TLR1: variants seen among roughly 807,000 people sequenced by gnomAD.
TLR1 encodes toll-like receptor 1.
Under a neutral mutation model 20.2 loss-of-function variants are expected in TLR1, and 19 were observed. The ratio of observed to expected loss-of-function variants is 0.94; its 90% confidence interval spans 0.66 to 1.38. TLR1 has a LOEUF of 1.38. TLR1 is among the 40% of genes most tolerant of loss of function. The pLI, the probability that TLR1 is intolerant of heterozygous loss-of-function variation, is 0.00. For synonymous variants in TLR1, 320 were observed against 334.5 expected (o/e 0.96, Z 0.47); for missense variants, 921 against 910.0 (o/e 1.01, Z -0.16).
chr4:38,790,300 AG>A (rs1167650560), downstream of TLR1, among the ~76,000 whole-genome samples: 1 of 152,232 alleles, frequency 6.6e-6, no homozygotes, highest in Non-Finnish European at 1.5e-5. Context: ...GTTAATTTGG[AG>A]GGAGAACTTA....
downstream of TLR1, chr4:38,794,446 T>C (rs1275805100): frequency 6.6e-6 from 1 of 152,208 alleles, no homozygotes; most frequent in Non-Finnish European, 1.5e-5. Context: ...AATATAACTT[T>C]CCACACTCCT....
downstream of TLR1, among the ~76,000 whole-genome samples, chr4:38,796,031 G>A (rs972268772): frequency 3.3e-5 from 5 of 152,106 alleles, no homozygotes; most frequent in African/African-American, 9.7e-5. Flanking sequence ...CTTTATCAAC[G>A]AGCAGCCATC....
intron 3 of TLR1, among the ~76,000 whole-genome samples, chr4:38,799,670 C>A (rs114250243): frequency 6.9e-4 from 105 of 152,308 alleles, no homozygotes; most frequent in African/African-American, 2.4e-3. Flanking sequence ...ACGTACATCT[C>A]CCCATGACTT....
In TLR1 at chr4:38,798,548, A is replaced by T. The variant is rs1560460317; in HGVS notation, c.284T>A (p.Leu95Ter). The T allele has an allele frequency of 6.2e-7, 1 of 1,614,188 alleles. No individual in the cohort carries two copies. Among genetic ancestry groups the T allele is most frequent in the Non-Finnish European group, 8.5e-7 (1 of 1,180,034 alleles). The part of the protein sequence containing the change: ...DISVFKFNQE[L>*]EYLDLSHNKL... ...GTTGTGGGACAAATCCAAGTATTCC[A>T]ATTCCTGGTTGAATTTGAAAACACT... is the stretch of plus-strand genomic sequence containing the variant. The change falls in exon 4 of 4, where the codon TTG (leucine) becomes TAG (stop). Residue 95 changes from leucine to a stop codon, truncating the protein, a stop_gained. Coordinates refer to ENST00000308979, the MANE Select transcript of TLR1 (RefSeq NM_003263.4). LOFTEE classifies it low-confidence loss of function (END_TRUNC).
Position 38,797,155 on chromosome 4 carries a change from C to G in TLR1, c.1677G>C (p.Pro559=). Residue 559 remains proline (P), a synonymous_variant, in exon 4 of 4, where the codon CCG becomes CCC. Coordinates refer to ENST00000308979, the MANE Select transcript of TLR1 (RefSeq NM_003263.4). ...TTAGTAGGGTTCCTCTATAACTTTC[C>G]GGGTAGTCACACTTATAAGAATCAG... ...GWPDSYKCDY[P]ESYRGTLLKD... is the part of the protein sequence containing the mutation. 6.2e-7 allele frequency: 1 copy of G among 1,614,136 alleles called. No homozygotes were observed. The highest frequency in any genetic ancestry group is 8.5e-7 in the Non-Finnish European group (1 of 1,180,018).
chr4:38,797,397 A>G lies in TLR1; in HGVS notation c.1435T>C (p.Ser479Pro). 2 of 1,614,206 alleles carry G rather than the reference A, an allele frequency of 1.2e-6. No individual in the cohort carries two copies. The highest frequency in any genetic ancestry group is 2.2e-5 in the South Asian group (2 of 91,086). ...CCACATCCAGGAAGGTCAGTTAAAG[A>G]ATTGAAAGCAACATTGAGTTCTTGC... Reference protein sequence around the residue: ...ALQELNVAFNSLTDLPGCGSF... With the variant: ...ALQELNVAFNPLTDLPGCGSF... Residue 479 changes from serine (S) to proline (P), a missense_variant, in exon 4 of 4, where the codon TCT (serine) becomes CCT (proline). By Grantham distance (74) the Ser-to-Pro change is moderately conservative. Transcript: ENST00000308979.
In TLR1 at chr4:38,797,781, G is replaced by A; in HGVS notation, c.1051C>T (p.Leu351=). Residue 351 remains leucine, a synonymous_variant, in exon 4 of 4, where the codon CTG becomes TTG. Coordinates refer to ENST00000308979, the MANE Select transcript of TLR1 (RefSeq NM_003263.4). ...MLCPSKISPF[L]HLDFSNNLLT... ...AGATTATTGGAAAAATCCAAATGCAGGAACGGGCTAATTTTGGATGGGCAA... is the reference window on the plus strand; with the variant it reads ...AGATTATTGGAAAAATCCAAATGCAAGAACGGGCTAATTTTGGATGGGCAA... 1 of 1,614,120 alleles carries A rather than the reference G, an allele frequency of 6.2e-7. No individual in the cohort carries two copies. The highest frequency in any genetic ancestry group is 2.2e-5 in the East Asian group (1 of 44,884).
intron 2 of TLR1, among the ~76,000 whole-genome samples, chr4:38,803,200 C>A (rs571715471): frequency 1.3e-5 from 2 of 152,202 alleles, no homozygotes; most frequent in Non-Finnish European, 2.9e-5. Context: ...TCACCTTTCA[C>A]CTGCCTACGG....
At position 38,797,162 on chromosome 4, in the gene TLR1, T is replaced by G; in HGVS notation, c.1670A>C (p.Asp557Ala). The G allele has an allele frequency of 1.2e-6, 2 of 1,614,232 alleles. No individual in the cohort carries two copies. Among genetic ancestry groups the G allele is most frequent in the Non-Finnish European group, 1.7e-6 (2 of 1,180,040 alleles). ...LEGWPDSYKC[D>A]YPESYRGTLL... ...GGTTCCTCTATAACTTTCCGGGTAG[T>G]CACACTTATAAGAATCAGGCCAGCC... The change falls in exon 4 of 4, where the codon GAC (aspartate) becomes GCC (alanine). Residue 557 changes from aspartate to alanine, a missense_variant. Asp to Ala is a moderately radical substitution (Grantham distance 126, BLOSUM62 -2). Coordinates refer to ENST00000308979, the MANE Select transcript of TLR1 (RefSeq NM_003263.4).
downstream of TLR1, among the ~76,000 whole-genome samples, chr4:38,792,055 A>G (rs1276160090): frequency 6.6e-6 from 1 of 152,138 alleles, no homozygotes; most frequent in Non-Finnish European, 1.5e-5. Flanking sequence ...AAACAACCAT[A>G]TGAGAGAGGT....
rs1229681914 is a variant in TLR1, at chr4:38,797,519, G to A, written c.1313C>T (p.Thr438Ile). Residue 438 changes from threonine (T) to isoleucine (I), a missense_variant, in exon 4 of 4, where the codon ACT (threonine) becomes ATT (isoleucine). Physicochemically the swap from Thr to Ile is moderately conservative, Grantham distance 89. Coordinates refer to ENST00000308979, the MANE Select transcript of TLR1 (RefSeq NM_003263.4). ...CCTGGGAGGTAAACATCTGAAAATA[G>A]TGTCAGTAAGTATATTTGAAGACAT... ...LNMSSNILTD[T>I]IFRCLPPRIK... 6.2e-7 allele frequency: 1 copy of A among 1,614,024 alleles called. No homozygotes were observed. The highest frequency in any genetic ancestry group is 8.5e-7 in the Non-Finnish European group (1 of 1,180,042).
At position 38,798,192 on chromosome 4, in the gene TLR1, C is replaced by T. The variant is rs1385115286; in HGVS notation, c.640G>A (p.Ala214Thr). 6.2e-7 allele frequency: 1 copy of T among 1,614,094 alleles called. No individual in the cohort carries two copies. Among genetic ancestry groups the T allele is most frequent in the East Asian group, 2.2e-5 (1 of 44,878 alleles). The change falls in exon 4 of 4, where the codon GCA (alanine) becomes ACA (threonine). Residue 214 changes from alanine (A) to threonine (T), a missense_variant. Physicochemically the swap from Ala to Thr is moderately conservative, Grantham distance 58. Coordinates refer to ENST00000308979, the MANE Select transcript of TLR1 (RefSeq NM_003263.4). ...FILDVSVKTV[A>T]NLELSNIKCV... is the part of the protein sequence containing the mutation. ...TTGATATTAGATAGTTCCAGATTTG[C>T]TACAGTCTTGACTGACACATCCAAA...
At chr4:38,791,103 C>A (rs1180779754) in exon 4 of TLR1, 1 of 152,170 alleles carries the variant, frequency 6.6e-6, no homozygotes, top group Non-Finnish European at 1.5e-5. Flanking sequence ...CCAGAACAGC[C>A]AAGGAGGGCA....
chr4:38,797,811 T>C lies in TLR1; in HGVS notation c.1021A>G (p.Met341Val), dbSNP rs1726236144. ...FTVSGTRMVH[M>V]LCPSKISPFL... ...GGGCTAATTTTGGATGGGCAAAGCATGTGGACCATGCGTGTACCAGACACT... is the reference window on the plus strand; with the variant it reads ...GGGCTAATTTTGGATGGGCAAAGCACGTGGACCATGCGTGTACCAGACACT... Residue 341 changes from methionine to valine, a missense_variant, in exon 4 of 4, where the codon ATG becomes GTG. Coordinates refer to ENST00000308979, the MANE Select transcript of TLR1 (RefSeq NM_003263.4). The C allele has an allele frequency of 1.9e-6, 3 of 1,614,192 alleles. No homozygotes were observed. The East Asian group carries it at 6.7e-5, about 36-fold the overall frequency.
rs1726182624 is a variant in TLR1 at position 38,797,392 on chromosome 4, T to TA, written c.1439dup (p.Leu480PhefsTer3). ...AGCTGCCACATCCAGGAAGGTCAGT[T>TA]AAAGAATTGAAAGCAACATTGAGTT... On this transcript the variant is annotated frameshift_variant, in exon 4 of 4. Transcript: ENST00000308979. LOFTEE classifies it high-confidence loss of function. 1.2e-6 allele frequency: 2 copies of TA among 1,614,096 alleles called. No individual in the cohort carries two copies. The highest frequency in any genetic ancestry group is 2.7e-5 in the African/African-American group (2 of 74,950).
downstream of TLR1, among the ~76,000 whole-genome samples, chr4:38,789,480 T>C (rs1725668443): frequency 6.6e-6 from 1 of 151,338 alleles, no homozygotes; most frequent in Non-Finnish European, 1.5e-5. Context: ...TTTTTCTTTT[T>C]CTTTTCTTTT....
downstream of TLR1, chr4:38,790,739 ATT>A (rs61497412): frequency 6.6e-6 from 1 of 151,856 alleles, no homozygotes; most frequent in Non-Finnish European, 1.5e-5. Flanking sequence ...GCTTTTACTT[ATT>A]TTTTCTCTTG....
chr4:38,802,842 C>T (rs573032249), intron 2 of TLR1, among the ~76,000 whole-genome samples: 39 of 152,326 alleles, frequency 2.6e-4, no homozygotes, highest in African/African-American at 8.9e-4. Context: ...GAGAAGCTTA[C>T]CATAGCCATA....
At chr4:38,802,977 C>G (rs981287521) in intron 2 of TLR1, among the ~76,000 whole-genome samples, 3 of 152,072 alleles carry the variant, frequency 2.0e-5, no homozygotes, top group African/African-American at 2.4e-5. Flanking sequence ...CCAAAGCTGT[C>G]CATCTTTGCA....
Sources: gnomAD v4.1 joint callset for allele counts (sites outside exome capture counted in the v4.1 genomes callset) on GRCh38, gnomAD v4.1.1 for gene constraint, MANE v1.5 for transcripts, NCBI Gene and HGNC (gene_info 2026-07-23, HGNC 2026-07-21) for gene names.